The following PCDHB3 variants were observed in gnomAD, a reference collection of about 807,000 sequenced individuals.
PCDHB3 encodes protocadherin beta-3.
For synonymous variants in PCDHB3, 479 were observed against 456.0 expected (o/e 1.05, Z -0.64); for missense variants, 967 against 1,012.1 (o/e 0.96, Z 0.60).
Position 141,101,164 on chromosome 5 carries a change from T to C in PCDHB3, c.515T>C (p.Ile172Thr), listed in dbSNP as rs782376967. ...AGAAACAGCCTCCAAAACTACACTA[T>C]CACTCCGAATTCCCACTTCCACGTA... ...VGRNSLQNYT[I>T]TPNSHFHVLT... The change falls in exon 1 of 1, where the codon ATC (isoleucine) becomes ACC (threonine). Residue 172 changes from isoleucine to threonine, a missense_variant. Transcript: ENST00000231130. 6.2e-7 allele frequency: 1 copy of C among 1,614,082 alleles called. No homozygotes were observed. Among genetic ancestry groups the C allele is most frequent in the Non-Finnish European group, 8.5e-7 (1 of 1,180,024 alleles).
rs151234490 is a variant in PCDHB3 at position 141,102,107 on chromosome 5, A to C, written c.1458A>C (p.Val486=). The change falls in exon 1 of 1, where the codon GTA becomes GTC. Residue 486 remains valine (V), a synonymous_variant. Transcript: ENST00000231130. ...TDRDSGTNAQ[V]TYSLLPPQDP... The stretch of plus-strand genomic sequence containing the variant: ...GAGACTCAGGCACCAACGCCCAGGT[A>C]ACCTACTCGCTGCTGCCGCCCCAGG... 2,597 of 1,612,754 alleles carry C rather than the reference A, an allele frequency of 1.6e-3. 13 individuals are homozygous for C. The highest frequency in any genetic ancestry group is 0.016 in the African/African-American group (1,172 of 74,980).
chr5:141,101,386 T>A lies in PCDHB3; in HGVS notation c.737T>A (p.Leu246His), dbSNP rs1751937825. 1 of 1,614,192 alleles carries A rather than the reference T, an allele frequency of 6.2e-7. No homozygotes were observed. Among genetic ancestry groups the A allele is most frequent in the Non-Finnish European group, 8.5e-7 (1 of 1,180,022 alleles). The change falls in exon 1 of 1, where the codon CTC (leucine) becomes CAC (histidine). Residue 246 changes from leucine to histidine, a missense_variant. By Grantham distance (99) the Leu-to-His change is moderately conservative. Coordinates refer to ENST00000231130, the MANE Select transcript of PCDHB3 (RefSeq NM_018937.5). ...AATGCACCAGAATTTGCACAGCCGCTCTATGAGGTTGCAGTTCTAGAGAAT... is the reference window on the plus strand; with the variant it reads ...AATGCACCAGAATTTGCACAGCCGCACTATGAGGTTGCAGTTCTAGAGAAT... ...NDNAPEFAQP[L>H]YEVAVLENTP... is the part of the protein sequence containing the mutation.
At position 141,101,851 on chromosome 5, in the gene PCDHB3, A is replaced by G. The variant is rs1414658181; in HGVS notation, c.1202A>G (p.Tyr401Cys). The change falls in exon 1 of 1, where the codon TAC becomes TGC. Residue 401 changes from tyrosine (Y) to cysteine (C), a missense_variant. Physicochemically the swap from Tyr to Cys is radical, Grantham distance 194. Transcript: ENST00000231130. ...FFLKPSVENF[Y>C]TLVSEGALDR... ...CTGAAACCATCTGTAGAGAATTTTT[A>G]CACCCTAGTGTCAGAAGGCGCGCTG... 4 of 1,614,114 alleles carry G rather than the reference A, an allele frequency of 2.5e-6. No individual in the cohort carries two copies. Among genetic ancestry groups the G allele is most frequent in the Non-Finnish European group, 3.4e-6 (4 of 1,180,024 alleles).
rs782489961 is a variant in PCDHB3, at chr5:141,100,854, A to G, written c.205A>G (p.Lys69Glu). The part of the protein sequence containing the change: ...LAARGAQVVS[K>E]GNKQHFQLSH... ...CGCGAGGGGGGCCCAAGTTGTGTCC[A>G]AAGGGAACAAACAGCATTTTCAGCT... The change falls in exon 1 of 1, where the codon AAA becomes GAA. Residue 69 changes from lysine to glutamate, a missense_variant. Transcript: ENST00000231130. 6 of 1,614,178 alleles carry G rather than the reference A, an allele frequency of 3.7e-6. No individual in the cohort carries two copies. Among genetic ancestry groups the G allele is most frequent in the Non-Finnish European group, 5.1e-6 (6 of 1,180,026 alleles).
Position 141,102,170 on chromosome 5 carries a change from C to T in PCDHB3, c.1521C>T (p.Asn507=), listed in dbSNP as rs1751966875. ...CCCTCTCTTCCCTGGTCTCCATCAA[C>T]GCGGACAACGGCCACCTGTTTGCCC... is the stretch of plus-strand genomic sequence containing the variant. The part of the protein sequence containing the change: ...HLPLSSLVSI[N]ADNGHLFALR... The change falls in exon 1 of 1, where the codon AAC becomes AAT. Residue 507 remains asparagine (N), a synonymous_variant. Coordinates refer to ENST00000231130, the MANE Select transcript of PCDHB3 (RefSeq NM_018937.5). 2 of 1,613,060 alleles carry T rather than the reference C, an allele frequency of 1.2e-6. No individual in the cohort carries two copies. Among genetic ancestry groups the T allele is most frequent in the Non-Finnish European group, 1.7e-6 (2 of 1,179,988 alleles).
chr5:141,101,116 A>G lies in PCDHB3; in HGVS notation c.467A>G (p.Asn156Ser), dbSNP rs1554272193. ...CCAGGAACAGTAATTCCTTTGGGAA[A>G]TGCTGAGGACTTGGATGTGGGAAGA... ...TLPGTVIPLG[N>S]AEDLDVGRNS... The change falls in exon 1 of 1, where the codon AAT (asparagine) becomes AGT (serine). Residue 156 changes from asparagine (N) to serine (S), a missense_variant. By Grantham distance (46) the Asn-to-Ser change is conservative. Coordinates refer to ENST00000231130, the MANE Select transcript of PCDHB3 (RefSeq NM_018937.5). 1 of 1,614,112 alleles carries G rather than the reference A, an allele frequency of 6.2e-7. No homozygotes were observed. The highest frequency in any genetic ancestry group is 1.1e-5 in the South Asian group (1 of 91,090).
rs1294837469 is a variant in PCDHB3, at chr5:141,101,818, C to T, written c.1169C>T (p.Pro390Leu). Residue 390 changes from proline to leucine, a missense_variant, in exon 1 of 1, where the codon CCC becomes CTC. Coordinates refer to ENST00000231130, the MANE Select transcript of PCDHB3 (RefSeq NM_018937.5). Reference protein sequence around the residue: ...RVMCSIENNLPFFLKPSVENF... With the variant: ...RVMCSIENNLLFFLKPSVENF... Reference sequence around the variant, plus strand: ...ATGTGTTCCATTGAGAACAATCTCCCCTTCTTCCTGAAACCATCTGTAGAG... The same window carrying T: ...ATGTGTTCCATTGAGAACAATCTCCTCTTCTTCCTGAAACCATCTGTAGAG... 1.2e-6 allele frequency: 2 copies of T among 1,613,960 alleles called. No individual in the cohort carries two copies. The highest frequency in any genetic ancestry group is 1.3e-5 in the African/African-American group (1 of 74,862).
In PCDHB3 at chr5:141,100,615, G is replaced by A. The variant is rs782630503; in HGVS notation, c.-35G>A. On this transcript the variant is annotated 5_prime_UTR_variant, in exon 1 of 1. Transcript: ENST00000231130. Reference sequence around the variant, plus strand: ...CCAGCTCTGTCTGAGGTTCAGCTTGGCGACATTCCCTGGAAGAGCGTGACG... The same window carrying A: ...CCAGCTCTGTCTGAGGTTCAGCTTGACGACATTCCCTGGAAGAGCGTGACG... 8 of 1,481,778 alleles carry A rather than the reference G, an allele frequency of 5.4e-6. No homozygotes were observed. In the South Asian group the frequency reaches 1.0e-4, roughly 19 times the overall value. 91.8% of individuals were successfully genotyped at this position (1,481,778 alleles called of 1,614,324 possible).
rs782561199 is a variant in PCDHB3 at position 141,102,664 on chromosome 5, C to T, written c.2015C>T (p.Pro672Leu). 55 of 1,611,206 alleles carry T rather than the reference C, an allele frequency of 3.4e-5. No individual in the cohort carries two copies. Among genetic ancestry groups the T allele is most frequent in the East Asian group, 2.2e-4 (10 of 44,882 alleles). ...GACGGCTTCTCCCAGCCCTACCTGC[C>T]TCTCCCGGAGGCGGCACCGGCCCAG... ...LVDGFSQPYL[P>L]LPEAAPAQAQ... Residue 672 changes from proline to leucine, a missense_variant, in exon 1 of 1, where the codon CCT becomes CTT. Transcript: ENST00000231130.
At position 141,100,853 on chromosome 5, in the gene PCDHB3, C is replaced by T. The variant is rs782170725; in HGVS notation, c.204C>T (p.Ser68=). The part of the protein sequence containing the change: ...ELAARGAQVV[S]KGNKQHFQLS... ...CCGCGAGGGGGGCCCAAGTTGTGTC[C>T]AAAGGGAACAAACAGCATTTTCAGC... The change falls in exon 1 of 1, where the codon TCC becomes TCT. Residue 68 remains serine (S), a synonymous_variant. Transcript: ENST00000231130. 6.2e-7 allele frequency: 1 copy of T among 1,613,982 alleles called. No individual in the cohort carries two copies. The highest frequency in any genetic ancestry group is 1.1e-5 in the South Asian group (1 of 91,070).
rs1211137726 is a variant in PCDHB3 at position 141,101,332 on chromosome 5, TA to T, written c.686del (p.Asn229ThrfsTer5). On this transcript the variant is annotated frameshift_variant, in exon 1 of 1. Transcript: ENST00000231130. LOFTEE classifies it low-confidence loss of function (END_TRUNC). ...CCCCCTCGGTCTGGGACAGCCCAGATAAACATCCAGGTCTTAGATATAAACG... is the reference window on the plus strand; with the variant it reads ...CCCCCTCGGTCTGGGACAGCCCAGATAACATCCAGGTCTTAGATATAAACG... ...GSPPRSGTAQ[I>X]NIQVLDINDN... 4 of 1,613,936 alleles carry T rather than the reference TA, an allele frequency of 2.5e-6. No individual in the cohort carries two copies. The African/African-American group carries it at 5.3e-5, about 22-fold the overall frequency.
rs782425710 is a variant in PCDHB3 at position 141,102,823 on chromosome 5, G to A, written c.2174G>A (p.Cys725Tyr). 3.7e-6 allele frequency: 6 copies of A among 1,612,484 alleles called. No individual in the cohort carries two copies. The highest frequency in any genetic ancestry group is 5.1e-6 in the Non-Finnish European group (6 of 1,179,852). The change falls in exon 1 of 1, where the codon TGC becomes TAC. Residue 725 changes from cysteine to tyrosine, a missense_variant. Transcript: ENST00000231130. The stretch of plus-strand genomic sequence containing the variant: ...AGCAGGGCGGCCTCGGTGGGTCGCT[G>A]CTCGGTGCCCGAGGGCCCCTTTCCA... Reference protein sequence around the residue: ...RRSRAASVGRCSVPEGPFPGQ... With the variant: ...RRSRAASVGRYSVPEGPFPGQ...
Position 141,100,530 on chromosome 5 carries a change from C to A in PCDHB3, c.-120C>A. 2.5e-6 allele frequency: 2 copies of A among 784,734 alleles called. No homozygotes were observed. The highest frequency in any genetic ancestry group is 2.5e-5 in the East Asian group (1 of 40,036). The allele number at this position is 784,734 out of a possible 1,614,324, so 48.6% of individuals were successfully genotyped here. A position where few individuals can be genotyped will look rare whatever the true frequency, so the allele number is the denominator to read the frequency against. The stretch of plus-strand genomic sequence containing the variant: ...AGATTTTTGAGCCAGCAAGTCTGAG[C>A]CTCTGGAAAGGCTTATTCACTAGGC... On this transcript the variant is annotated 5_prime_UTR_variant, in exon 1 of 1. Coordinates refer to ENST00000231130, the MANE Select transcript of PCDHB3 (RefSeq NM_018937.5).
rs1554272727 is a variant in PCDHB3 at position 141,102,999 on chromosome 5, G to C, written c.2350G>C (p.Glu784Gln). ...TGCTCAGGGTGCAGAGAGGGTTAGCGAGGCAAATCCCAGTTTCAGGAAGAG... is the reference window on the plus strand; with the variant it reads ...TGCTCAGGGTGCAGAGAGGGTTAGCCAGGCAAATCCCAGTTTCAGGAAGAG... ...FVAQGAERVSEANPSFRKSFE... is the reference protein window; with the variant it reads ...FVAQGAERVSQANPSFRKSFE... The change falls in exon 1 of 1, where the codon GAG (glutamate) becomes CAG (glutamine). Residue 784 changes from glutamate (E) to glutamine (Q), a missense_variant. By Grantham distance (29) the Glu-to-Gln change is conservative. Coordinates refer to ENST00000231130, the MANE Select transcript of PCDHB3 (RefSeq NM_018937.5). 6.2e-7 allele frequency: 1 copy of C among 1,604,098 alleles called. No individual in the cohort carries two copies. Among genetic ancestry groups the C allele is most frequent in the East Asian group, 2.2e-5 (1 of 44,860 alleles).
chr5:141,101,732 A>T lies in PCDHB3; in HGVS notation c.1083A>T (p.Gly361=). 6.2e-7 allele frequency: 1 copy of T among 1,614,032 alleles called. No individual in the cohort carries two copies. The highest frequency in any genetic ancestry group is 8.5e-7 in the Non-Finnish European group (1 of 1,179,976). The part of the protein sequence containing the change: ...SVNSPIPENS[G]ETVLAVFSVS... The stretch of plus-strand genomic sequence containing the variant: ...ACAGCCCTATTCCTGAGAACTCGGG[A>T]GAGACTGTACTGGCTGTTTTCAGTG... Residue 361 remains glycine, a synonymous_variant, in exon 1 of 1, where the codon GGA becomes GGT. Transcript: ENST00000231130.
Position 141,102,677 on chromosome 5 carries a change from G to C in PCDHB3, c.2028G>C (p.Ala676=). The change falls in exon 1 of 1, where the codon GCG becomes GCC. Residue 676 remains alanine (A), a synonymous_variant. Transcript: ENST00000231130. ...FSQPYLPLPE[A]APAQAQADLL... is the part of the protein sequence containing the mutation. ...AGCCCTACCTGCCTCTCCCGGAGGC[G>C]GCACCGGCCCAGGCCCAGGCCGACT... 2 of 1,611,536 alleles carry C rather than the reference G, an allele frequency of 1.2e-6. No homozygotes were observed. The highest frequency in any genetic ancestry group is 1.7e-6 in the Non-Finnish European group (2 of 1,179,788).
chr5:141,100,492 T>G lies in PCDHB3; in HGVS notation c.-158T>G. The stretch of plus-strand genomic sequence containing the variant: ...GGATCCAGTGTGGTAAACCAGCGGT[T>G]GAGAGCCCAGGCAGATTTTTGAGCC... On this transcript the variant is annotated 5_prime_UTR_variant, in exon 1 of 1. Coordinates refer to ENST00000231130, the MANE Select transcript of PCDHB3 (RefSeq NM_018937.5). 1.7e-6 allele frequency: 1 copy of G among 593,324 alleles called. No individual in the cohort carries two copies. The highest frequency in any genetic ancestry group is 2.5e-5 in the South Asian group (1 of 40,130). The allele number at this position is 593,324 out of a possible 1,614,324, so 36.8% of individuals were successfully genotyped here. A position where few individuals can be genotyped will look rare whatever the true frequency, so the allele number is the denominator to read the frequency against.
Position 141,100,938 on chromosome 5 carries a change from G to A in PCDHB3, c.289G>A (p.Gly97Ser). Residue 97 changes from glycine to serine, a missense_variant, in exon 1 of 1, where the codon GGC (glycine) becomes AGC (serine). Gly to Ser is a moderately conservative substitution (Grantham distance 56, BLOSUM62 0). Transcript: ENST00000231130. ...NEKLDREELC[G>S]PTEPCILHFQ... ...GAAATTGGACCGGGAGGAGCTATGC[G>A]GCCCCACAGAACCATGCATACTACA... The A allele has an allele frequency of 6.2e-7, 1 of 1,613,992 alleles. No homozygotes were observed. The highest frequency in any genetic ancestry group is 8.5e-7 in the Non-Finnish European group (1 of 1,180,012).
chr5:141,101,314 GGTCTGGGACAGCCCAGA>G lies in PCDHB3; in HGVS notation c.666_682del (p.Ser223LysfsTer20). The G allele has an allele frequency of 1.9e-6, 3 of 1,613,996 alleles. No homozygotes were observed. The highest frequency in any genetic ancestry group is 2.5e-6 in the Non-Finnish European group (3 of 1,180,000). On this transcript the variant is annotated frameshift_variant, in exon 1 of 1. Coordinates refer to ENST00000231130, the MANE Select transcript of PCDHB3 (RefSeq NM_018937.5). LOFTEE classifies it low-confidence loss of function (END_TRUNC). ...GCGCTGGACGGCGGCTCTCCCCCTC[GGTCTGGGACAGCCCAGA>G]TAAACATCCAGGTCTTAGATATAAA...
Sources: allele counts gnomAD v4.1 joint callset, GRCh38; gene constraint gnomAD v4.1.1; transcripts MANE v1.5; gene names NCBI Gene and HGNC (gene_info 2026-07-23, HGNC 2026-07-21).